The following USP35 variants were observed in gnomAD, a reference collection of about 807,000 sequenced individuals.
USP35 encodes the protein ubiquitin carboxyl-terminal hydrolase 35.
In USP35, 69 loss-of-function variants were observed where a neutral mutation model predicts 83.8. The ratio of observed to expected loss-of-function variants is 0.82; its 90% CI spans 0.68 to 1.01. The LOEUF (loss-of-function observed/expected upper bound fraction) is 1.01, where lower values mean the gene tolerates loss of function less well. USP35 is among the 50% of genes least tolerant of loss of function. USP35 has a pLI of 0.00. For synonymous variants in USP35, 714 were observed against 589.5 expected, an observed-to-expected ratio of 1.21 and a Z score of -3.06; for missense variants, 1,503 against 1,362.5, an observed-to-expected ratio of 1.10 and a Z score of -1.62.
At chr11:78,201,160 A>G (rs1448088849) in intron 6 of USP35, among the ~76,000 whole-genome samples, 2 of 152,142 alleles carry the variant, frequency 1.3e-5, no homozygotes, top group African/African-American at 4.8e-5. Flanking sequence ...TACTTCCCTC[A>G]GGATGCCTTT....
rs1480253259 is a variant in USP35 at position 78,210,485 on chromosome 11, C to G, written c.2630C>G (p.Ser877Cys). Residue 877 changes from serine (S) to cysteine (C), a missense_variant, in exon 10 of 11, where the codon TCT becomes TGT. Coordinates refer to ENST00000529308, the MANE Select transcript of USP35 (RefSeq NM_020798.4). The stretch of plus-strand genomic sequence containing the variant: ...GAGGGCGCTGCCCGCCCTGCCGCTT[C>G]TCTGGGAACTGCCGATAGGCCAGAG... ...AREGAARPAA[S>C]LGTADRPEPE... 1.2e-6 allele frequency: 2 copies of G among 1,614,226 alleles called. No homozygotes were observed. The highest frequency in any genetic ancestry group is 1.7e-6 in the Non-Finnish European group (2 of 1,180,006).
chr11:78,195,365 C>T lies in USP35; in HGVS notation c.-10-871C>T, dbSNP rs1336083631. Among the ~76,000 whole-genome samples the T allele has an allele frequency of 5.9e-5, 9 of 152,200 alleles. 1 individual carries two copies. The South Asian group carries it at 1.0e-3, about 18-fold the overall frequency. On this transcript the variant is annotated intron_variant, in intron 1 of 10. Coordinates refer to ENST00000529308, the MANE Select transcript of USP35 (RefSeq NM_020798.4). ...TCGTGGGGGCCTCAGGAGATAAGGA[C>T]GTGTCAGGCAGAAGGCACAGCACAC...
At chr11:78,209,413 A>G (rs776338210) in intron 9 of USP35, 35 bp from the exon 10 acceptor site, 1 of 1,543,410 alleles carries the variant, frequency 6.5e-7, no homozygotes, top group Non-Finnish European at 8.7e-7. Context: ...GGGGACCCGC[A>G]TGTACATGTA....
Position 78,196,505 on chromosome 11 carries a change from G to T in USP35, c.260G>T (p.Arg87Leu). ...AEFFSARRVL[R>L]LLQGGAGPPG... The stretch of plus-strand genomic sequence containing the variant: ...TTCTTCAGCGCGCGTCGCGTGCTGC[G>T]CCTGCTGCAGGGTGGCGCCGGCCCC... The change falls in exon 2 of 11, where the codon CGC (arginine) becomes CTC (leucine). Residue 87 changes from arginine to leucine, a missense_variant. Arg to Leu is a moderately radical substitution (Grantham distance 102). Coordinates refer to ENST00000529308, the MANE Select transcript of USP35 (RefSeq NM_020798.4). The surrounding 1 kb of genome is among the most constrained non-coding windows in gnomAD (Gnocchi z 4.8). 1 of 1,230,042 alleles carries T rather than the reference G, an allele frequency of 8.1e-7. No homozygotes were observed. The highest frequency in any genetic ancestry group is 4.4e-5 in the Admixed American group (1 of 22,724). 76.2% of individuals were successfully genotyped at this position (1,230,042 alleles called of 1,614,324 possible). A position where few individuals can be genotyped will look rare whatever the true frequency, so the allele number is the denominator to read the frequency against.
the USP35 span, among the ~76,000 whole-genome samples, chr11:78,228,054 G>A: frequency 6.6e-6 from 1 of 152,164 alleles, no homozygotes; most frequent in Non-Finnish European, 1.5e-5. Context: ...AAACAAGAGG[G>A]GAGACTTGTG....
the USP35 span, chr11:78,223,411 C>A: frequency 1.3e-6 from 2 of 1,520,196 alleles, no homozygotes; most frequent in Admixed American, 4.2e-5. Flanking sequence ...AATGGACTTA[C>A]CTTTCCGATC....
rs57755927 is a variant in USP35, at chr11:78,214,834, C to CTCTACTGAA, written c.*1031_*1039dup. 1 of 151,876 alleles carries CTCTACTGAA rather than the reference C, an allele frequency of 6.6e-6. No individual in the cohort carries two copies. The highest frequency in any genetic ancestry group is 1.5e-5 in the Non-Finnish European group (1 of 68,022). The allele number at this position is 151,876 out of a possible 1,614,324, so 9.4% of individuals were successfully genotyped here. ...GAGATGCCACAGGGAGCCAAGAGCC[C>CTCTACTGAA]TCTACTGAATCTACTGAAGTGGGGT... On this transcript the variant is annotated 3_prime_UTR_variant, in exon 11 of 11. Coordinates refer to ENST00000529308, the MANE Select transcript of USP35 (RefSeq NM_020798.4).
Position 78,205,300 on chromosome 11 carries a change from T to C in USP35, c.1198-542T>C, listed in dbSNP as rs540648709. On this transcript the variant is annotated intron_variant, in intron 6 of 10. Transcript: ENST00000529308. ...CAAATCTAAAAGTAAAAGGTGGACA[T>C]GGGCACATCATTGTGTGCCCACACC... 7.9e-5 allele frequency among the ~76,000 whole-genome samples: 12 copies of C among 152,362 alleles called. No individual in the cohort carries two copies. The South Asian group carries it at 2.1e-3, about 26-fold the overall frequency.
Position 78,197,934 on chromosome 11 carries a change from A to AGAG in USP35, c.679_681dup. Reference sequence around the variant, plus strand: ...TAAGCTCAGCCCTGTCCCCTGTTCCAGAGGAGGAGCCACCATCTAGCGCCC... The same window carrying AGAG: ...TAAGCTCAGCCCTGTCCCCTGTTCCAGAGGAGGAGGAGCCACCATCTAGCGCCC... On this transcript the variant is annotated splice_acceptor_variant, in intron 2 of 10. Coordinates refer to ENST00000529308, the MANE Select transcript of USP35 (RefSeq NM_020798.4). LOFTEE classifies it high-confidence loss of function. 1 of 1,613,936 alleles carries AGAG rather than the reference A, an allele frequency of 6.2e-7. No individual in the cohort carries two copies. Among genetic ancestry groups the AGAG allele is most frequent in the South Asian group, 1.1e-5 (1 of 91,054 alleles).
the USP35 span, chr11:78,223,660 A>G: frequency 6.2e-7 from 1 of 1,601,872 alleles, no homozygotes; most frequent in Non-Finnish European, 8.5e-7. Context: ...CGATCGGCCC[A>G]CAATCATTTT....
chr11:78,227,464 A>G, the USP35 span, among the ~76,000 whole-genome samples: 2 of 152,148 alleles, frequency 1.3e-5, no homozygotes, highest in African/African-American at 4.8e-5. Context: ...CTGTGAAACT[A>G]GCCCATGGGT....
At chr11:78,207,654 A>G (rs768935695) in intron 8 of USP35, 31 bp downstream of exon 8, 2 of 1,606,172 alleles carry the variant, frequency 1.2e-6, no homozygotes, top group East Asian at 4.5e-5. Flanking sequence ...AGGGGGGTGG[A>G]GAGGCAGCTC....
downstream of USP35, chr11:78,216,527 T>A (rs768357140): frequency 8.5e-5 from 13 of 152,202 alleles, no homozygotes; most frequent in African/African-American, 1.2e-4. Flanking sequence ...TCACCTCTCA[T>A]CCTTCCATCT....
the USP35 span, chr11:78,227,026 T>C: frequency 6.2e-7 from 1 of 1,612,134 alleles, no homozygotes; most frequent in South Asian, 1.1e-5. Context: ...AAAGAGGCTC[T>C]GGTGCCCTGA....
rs1221142547 is a variant in USP35, at chr11:78,194,032, G to A, written c.-10-2204G>A. 3.3e-5 allele frequency among the ~76,000 whole-genome samples: 5 copies of A among 151,772 alleles called. No homozygotes were observed. In the East Asian group the frequency reaches 7.7e-4, roughly 23 times the overall value. ...CAGGCGTGAGCCACCGCGCCCGGCC[G>A]CATCTGAGCTTGTAGCAGGTGCCCA... On this transcript the variant is annotated intron_variant, in intron 1 of 10. Coordinates refer to ENST00000529308, the MANE Select transcript of USP35 (RefSeq NM_020798.4).
intron 7 of USP35, 149 bp downstream of exon 7, chr11:78,206,184 G>C: frequency 9.1e-7 from 1 of 1,102,476 alleles, no homozygotes; most frequent in Non-Finnish European, 1.3e-6. Flanking sequence ...TGTGGGGACA[G>C]AGAGCCTCAG....
chr11:78,234,706 C>T, the USP35 span, among the ~76,000 whole-genome samples: 3 of 151,196 alleles, frequency 2.0e-5, no homozygotes, highest in Non-Finnish European at 4.4e-5. Context: ...GGTTTTTGTC[C>T]TTTCACCAAT....
In USP35 at chr11:78,213,838, C is replaced by T. The variant is rs1379425656; in HGVS notation, c.*25C>T. On this transcript the variant is annotated 3_prime_UTR_variant, in exon 11 of 11. Transcript: ENST00000529308. ...ATGTGAACCTGCTGCCAACCTGACCCCTTCCCTCCAGGAGCCAGGTAGGGC... is the reference window on the plus strand; with the variant it reads ...ATGTGAACCTGCTGCCAACCTGACCTCTTCCCTCCAGGAGCCAGGTAGGGC... 3 of 1,535,510 alleles carry T rather than the reference C, an allele frequency of 2.0e-6. No individual in the cohort carries two copies. Among genetic ancestry groups the T allele is most frequent in the African/African-American group, 1.4e-5 (1 of 69,342 alleles).
chr11:78,207,061 C>G (rs781065173), intron 7 of USP35, among the ~76,000 whole-genome samples: 8 of 152,152 alleles, frequency 5.3e-5, no homozygotes, highest in Non-Finnish European at 1.2e-4. Flanking sequence ...CTGTAGGAGT[C>G]GATTGGAGGG....
Sources: gnomAD v4.1 joint callset for allele counts (sites outside exome capture counted in the v4.1 genomes callset) on GRCh38, gnomAD v4.1.1 for gene constraint, Gnocchi (gnomAD v3.1) non-coding constraint, MANE v1.5 for transcripts, NCBI Gene and HGNC (gene_info 2026-07-23, HGNC 2026-07-21) for gene names.